The following C1QTNF3 variants were observed in gnomAD, a reference collection of about 807,000 sequenced individuals.
C1QTNF3 encodes complement C1q tumor necrosis factor-related protein 3.
C1QTNF3 carries 26 observed loss-of-function variants against 32.6 expected under a neutral mutation model. That is an observed-to-expected ratio of 0.80 (90% CI 0.58 to 1.11). The LOEUF is 1.11. C1QTNF3 is among the 50% of genes least tolerant of loss of function. The pLI is 0.00. For missense variants in C1QTNF3, 362 were observed against 398.2 expected (o/e 0.91, Z 0.77); for synonymous variants, 155 against 146.0 (o/e 1.06, Z -0.44).
At chr5:34,118,020 T>C in the C1QTNF3 span, among the ~76,000 whole-genome samples, 1 of 152,198 alleles carries the variant, frequency 6.6e-6, no homozygotes, top group East Asian at 1.9e-4. Context: ...TGTGTAACTA[T>C]ATAATTATAT....
At chr5:34,225,600 G>A in the C1QTNF3 span, among the ~76,000 whole-genome samples, 1 of 151,836 alleles carries the variant, frequency 6.6e-6, no homozygotes, top group African/African-American at 2.4e-5. Flanking sequence ...CTGTACCTCT[G>A]AGTGCCCACA....
the C1QTNF3 span, among the ~76,000 whole-genome samples, chr5:34,212,096 G>GCC: frequency 3.7e-3 from 567 of 151,938 alleles, 5 homozygotes; most frequent in African/African-American, 0.013. Context: ...CAGAAATAAC[G>GCC]CCACATATCT....
chr5:34,088,654 A>G, the C1QTNF3 span, among the ~76,000 whole-genome samples: 12 of 152,170 alleles, frequency 7.9e-5, no homozygotes, highest in Admixed American at 5.9e-4. Context: ...TTGCTCTACA[A>G]CTGGGTGCTT....
chr5:34,177,852 G>C, the C1QTNF3 span, among the ~76,000 whole-genome samples: 2 of 151,520 alleles, frequency 1.3e-5, no homozygotes, highest in African/African-American at 4.9e-5. Context: ...CAAACTCCTG[G>C]GCTCAAGAGA....
At chr5:34,133,593 G>C in the C1QTNF3 span, among the ~76,000 whole-genome samples, 3 of 152,302 alleles carry the variant, frequency 2.0e-5, 1 homozygote, top group African/African-American at 7.2e-5. Context: ...GTGTCTGAGA[G>C]ATTTAGTGTC....
chr5:34,100,197 G>A, the C1QTNF3 span, among the ~76,000 whole-genome samples: 1 of 152,134 alleles, frequency 6.6e-6, no homozygotes, highest in South Asian at 2.1e-4. Context: ...TCTTCATGTG[G>A]TAGAAGAGAC....
At position 34,020,757 on chromosome 5, in the gene C1QTNF3, A is replaced by C; in HGVS notation, c.801-15T>G. ...TCATTTCATAGCTGGAAAGAAAAAG[A>C]GGAACAAACTACTTAGTTTTTGCCA... On this transcript the variant is annotated splice_polypyrimidine_tract_variant and intron_variant, in intron 5 of 5. Transcript: ENST00000382065. 6.2e-7 allele frequency: 1 copy of C among 1,608,340 alleles called. No homozygotes were observed.
At chr5:34,177,746 CA>C in the C1QTNF3 span, among the ~76,000 whole-genome samples, 1 of 151,840 alleles carries the variant, frequency 6.6e-6, no homozygotes, top group South Asian at 2.1e-4. Context: ...CTCAGCCTCC[CA>C]AAGTGCTGGG....
At chr5:34,241,694 G>C in the C1QTNF3 span, among the ~76,000 whole-genome samples, 1 of 151,944 alleles carries the variant, frequency 6.6e-6, no homozygotes, top group South Asian at 2.1e-4. Context: ...CTTGGACCCA[G>C]GAGTTTGAGA....
At chr5:34,082,113 T>C in the C1QTNF3 span, among the ~76,000 whole-genome samples, 25 of 151,852 alleles carry the variant, frequency 1.6e-4, no homozygotes, top group Non-Finnish European at 1.3e-4. Flanking sequence ...TCAATTTTAA[T>C]TTTTGTCTTT....
intron 4 of C1QTNF3, among the ~76,000 whole-genome samples, chr5:34,024,576 C>T (rs147715506): frequency 4.2e-4 from 64 of 152,208 alleles, no homozygotes; most frequent in African/African-American, 1.1e-3. Context: ...AAATTATGTA[C>T]AATAAACAGA....
chr5:34,156,268 G>A, the C1QTNF3 span, among the ~76,000 whole-genome samples: 1 of 151,890 alleles, frequency 6.6e-6, no homozygotes, highest in Non-Finnish European at 1.5e-5. Context: ...ATGGGGTTTC[G>A]CCATGTTAGC....
At chr5:34,115,740 A>G in the C1QTNF3 span, among the ~76,000 whole-genome samples, 1 of 152,020 alleles carries the variant, frequency 6.6e-6, no homozygotes, top group Admixed American at 6.6e-5. Flanking sequence ...CAAAAAAAAA[A>G]AAAAAAAACT....
chr5:34,160,451 C>T, the C1QTNF3 span, among the ~76,000 whole-genome samples: 2 of 152,192 alleles, frequency 1.3e-5, no homozygotes, highest in East Asian at 1.9e-4. Flanking sequence ...TTCTCTGTGC[C>T]TGAATATTTG....
the C1QTNF3 span, among the ~76,000 whole-genome samples, chr5:34,081,488 G>T: frequency 6.6e-6 from 1 of 151,514 alleles, no homozygotes; most frequent in Non-Finnish European, 1.5e-5. Flanking sequence ...TCCATGAAAT[G>T]TTTCTAACTT....
At chr5:34,119,354 A>G in the C1QTNF3 span, among the ~76,000 whole-genome samples, 1 of 152,172 alleles carries the variant, frequency 6.6e-6, no homozygotes, top group African/African-American at 2.4e-5. Context: ...TATTTGTCAG[A>G]TCCTGTACAA....
At chr5:34,161,718 C>G in the C1QTNF3 span, among the ~76,000 whole-genome samples, 2 of 152,130 alleles carry the variant, frequency 1.3e-5, no homozygotes, top group African/African-American at 4.8e-5. Context: ...TTACATTAGA[C>G]TACTGGTTTA....
chr5:34,091,581 T>G, the C1QTNF3 span, among the ~76,000 whole-genome samples: 1 of 152,292 alleles, frequency 6.6e-6, no homozygotes, highest in Admixed American at 6.5e-5. Flanking sequence ...GACATTTGTA[T>G]GAAAGTGTTA....
rs1754289646 is a variant in C1QTNF3, at chr5:34,020,191, A to G, written c.*392T>C. The G allele has an allele frequency of 5.8e-6, 1 of 171,268 alleles. No homozygotes were observed. The highest frequency in any genetic ancestry group is 1.3e-5 in the Non-Finnish European group (1 of 78,438). 10.6% of individuals were successfully genotyped at this position (171,268 alleles called of 1,614,324 possible). On this transcript the variant is annotated 3_prime_UTR_variant, in exon 6 of 6. Coordinates refer to ENST00000382065, the MANE Select transcript of C1QTNF3 (RefSeq NM_181435.6). ...TACATCCGATTCTCTCAAATGTTAT[A>G]AAGAATAATGAACTTAAAACTTCAG... is the stretch of plus-strand genomic sequence containing the variant.
Sources: gnomAD v4.1 joint callset for allele counts (sites outside exome capture counted in the v4.1 genomes callset) on GRCh38, gnomAD v4.1.1 for gene constraint, MANE v1.5 for transcripts, NCBI Gene and HGNC (gene_info 2026-07-23, HGNC 2026-07-21) for gene names.